TMEM160: variants seen among roughly 807,000 people sequenced by gnomAD.
The protein encoded by TMEM160 is transmembrane protein 160.
TMEM160 carries 10 observed loss-of-function variants against 13.9 expected under a neutral mutation model. The observed-to-expected ratio is 0.72, with a 90% confidence interval of 0.45 to 1.22. The LOEUF is 1.22. Ranked by LOEUF, TMEM160 falls within the 50% of genes most tolerant of loss-of-function variation. TMEM160 has a pLI of 0.00. For synonymous variants in TMEM160, 159 were observed against 134.8 expected (o/e 1.18, Z -1.25); for missense variants, 287 against 283.2 (o/e 1.01, Z -0.10).
chr19:47,046,693 G>A lies in TMEM160; in HGVS notation c.209-8C>T, dbSNP rs780764887. 8.7e-6 allele frequency: 14 copies of A among 1,605,932 alleles called. No homozygotes were observed. Among genetic ancestry groups the A allele is most frequent in the Non-Finnish European group, 1.1e-5 (13 of 1,173,802 alleles). Reference sequence around the variant, plus strand: ...GGAACCAGGAGAGGAAGGCTGGAGGGAGGGGGACATGGGGGGATTAACATC... The same window carrying A: ...GGAACCAGGAGAGGAAGGCTGGAGGAAGGGGGACATGGGGGGATTAACATC... On this transcript the variant is annotated splice_region_variant and splice_polypyrimidine_tract_variant and intron_variant, in intron 1 of 2. Transcript: ENST00000253047.
chr19:47,048,287 A>T lies in TMEM160; in HGVS notation c.208+120T>A, dbSNP rs529753552. On this transcript the variant is annotated intron_variant, in intron 1 of 2. Coordinates refer to ENST00000253047, the MANE Select transcript of TMEM160 (RefSeq NM_017854.2). Reference sequence around the variant, plus strand: ...TCTGCGCTTCCGTGCGCTCACACTGAAGCCCTTCTCGGAGCCGAGCCCGGG... The same window carrying T: ...TCTGCGCTTCCGTGCGCTCACACTGTAGCCCTTCTCGGAGCCGAGCCCGGG... The T allele has an allele frequency of 5.6e-6, 5 of 900,164 alleles. No individual in the cohort carries two copies. In the Admixed American group the frequency reaches 1.4e-4, roughly 25 times the overall value. 55.8% of individuals were successfully genotyped at this position (900,164 alleles called of 1,614,324 possible). A position where few individuals can be genotyped will look rare whatever the true frequency, so the allele number is the denominator to read the frequency against.
rs746569691 is a variant in TMEM160, at chr19:47,046,576, G to A, written c.301+17C>T. On this transcript the variant is annotated intron_variant, in intron 2 of 2. Coordinates refer to ENST00000253047, the MANE Select transcript of TMEM160 (RefSeq NM_017854.2). The stretch of plus-strand genomic sequence containing the variant: ...ATTCCCTGGTTCCGTGGGGCGAGAG[G>A]GGGGGTCTGCACTCACCATATGCTG... 2 of 1,600,540 alleles carry A rather than the reference G, an allele frequency of 1.2e-6. No individual in the cohort carries two copies. Among genetic ancestry groups the A allele is most frequent in the Admixed American group, 1.7e-5 (1 of 59,928 alleles).
chr19:47,046,544 G>T, intron 2 of TMEM160, 49 bp downstream of exon 2: 1 of 1,476,848 alleles, frequency 6.8e-7, no homozygotes, highest in Non-Finnish European at 9.4e-7. Flanking sequence ...GGTGATAGGG[G>T]CTCTGCATTC....
chr19:47,047,680 TC>T (rs1339401073), intron 1 of TMEM160: 2 of 719,928 alleles, frequency 2.8e-6, no homozygotes, highest in Admixed American at 1.3e-4. Flanking sequence ...CAAGACCCCG[TC>T]TCTACATAAA....
chr19:47,046,837 G>A (rs1752983964), intron 1 of TMEM160, 152 bp from the exon 2 acceptor site: 6 of 642,920 alleles, frequency 9.3e-6, no homozygotes, highest in South Asian at 8.8e-5. Flanking sequence ...CCTCTTCCAG[G>A]AAGCCGCTCA....
rs1385958547 is a variant in TMEM160 at position 47,046,717 on chromosome 19, TC to T, written c.209-33del. ...GGAGGGGGACATGGGGGGATTAACATCACCCCCAACCCTACCTCCTCAATCC... is the reference window on the plus strand; with the variant it reads ...GGAGGGGGACATGGGGGGATTAACATACCCCCAACCCTACCTCCTCAATCC... On this transcript the variant is annotated intron_variant, in intron 1 of 2. Transcript: ENST00000253047. 2.0e-6 allele frequency: 3 copies of T among 1,497,148 alleles called. No individual in the cohort carries two copies. In the East Asian group the frequency reaches 6.8e-5, roughly 34 times the overall value. The allele number at this position is 1,497,148 out of a possible 1,614,324, so 92.7% of individuals were successfully genotyped here.
intron 2 of TMEM160, 92 bp from the exon 3 acceptor site, chr19:47,046,344 C>T (rs73566537): frequency 1.6e-5 from 23 of 1,420,776 alleles, no homozygotes; most frequent in South Asian, 1.2e-4. Context: ...GAGGCAGGGC[C>T]GTGCCAGGGG....
Position 47,046,044 on chromosome 19 carries a change from G to T in TMEM160, c.510C>A (p.Asp170Glu), listed in dbSNP as rs771703376. Reference sequence around the variant, plus strand: ...GGCCTTCCGCGGAGGCCGTCCCGTCGTCCTCGGGCACCAGCTCCACGTCCA... The same window carrying T: ...GGCCTTCCGCGGAGGCCGTCCCGTCTTCCTCGGGCACCAGCTCCACGTCCA... ...LELDVELVPEDDGTASAEGPD... is the reference protein window; with the variant it reads ...LELDVELVPEEDGTASAEGPD... The change falls in exon 3 of 3, where the codon GAC (aspartate) becomes GAA (glutamate). Residue 170 changes from aspartate (D) to glutamate (E), a missense_variant. Asp to Glu is a conservative substitution (Grantham distance 45). Coordinates refer to ENST00000253047, the MANE Select transcript of TMEM160 (RefSeq NM_017854.2). 4 of 1,549,218 alleles carry T rather than the reference G, an allele frequency of 2.6e-6. No individual in the cohort carries two copies. In the South Asian group the frequency reaches 4.7e-5, roughly 18 times the overall value.
intron 1 of TMEM160, among the ~76,000 whole-genome samples, chr19:47,048,155 C>T (rs2057090828): frequency 6.6e-6 from 1 of 152,226 alleles, no homozygotes; most frequent in African/African-American, 2.4e-5. Context: ...TACGAGGCTG[C>T]CTCGCGCAAC....
At chr19:47,047,966 CTTT>C (rs2057089795) in intron 1 of TMEM160, 1 of 983,192 alleles carries the variant, frequency 1.0e-6, no homozygotes, top group Non-Finnish European at 1.2e-6. Flanking sequence ...CAGCAGAGAG[CTTT>C]CTCCCGATTG....
Position 47,046,133 on chromosome 19 carries a change from C to A in TMEM160, c.421G>T (p.Ala141Ser). 6.8e-7 allele frequency: 1 copy of A among 1,478,752 alleles called. No individual in the cohort carries two copies. The highest frequency in any genetic ancestry group is 8.9e-7 in the Non-Finnish European group (1 of 1,124,404). The allele number at this position is 1,478,752 out of a possible 1,614,324, so 91.6% of individuals were successfully genotyped here. The change falls in exon 3 of 3, where the codon GCC (alanine) becomes TCC (serine). Residue 141 changes from alanine (A) to serine (S), a missense_variant. Transcript: ENST00000253047. ...TLGGAAVGAG[A>S]VLAASLLWAC... ...CAGAGCAGGCTGGCGGCCAGCACGG[C>A]GCCCGCGCCCACGGCCGCGCCCCCC...
chr19:47,046,104 C>G lies in TMEM160; in HGVS notation c.450G>C (p.Ala150=). The change falls in exon 3 of 3, where the codon GCG becomes GCC. Residue 150 remains alanine, a synonymous_variant. Coordinates refer to ENST00000253047, the MANE Select transcript of TMEM160 (RefSeq NM_017854.2). Reference sequence around the variant, plus strand: ...GCCCCATGTAGAGGCCCACGGCGCACGCCCAGAGCAGGCTGGCGGCCAGCA... The same window carrying G: ...GCCCCATGTAGAGGCCCACGGCGCAGGCCCAGAGCAGGCTGGCGGCCAGCA... The part of the protein sequence containing the change: ...GAVLAASLLW[A]CAVGLYMGQL... 1 of 1,527,326 alleles carries G rather than the reference C, an allele frequency of 6.5e-7. No homozygotes were observed. The highest frequency in any genetic ancestry group is 8.7e-7 in the Non-Finnish European group (1 of 1,143,296). The allele number at this position is 1,527,326 out of a possible 1,614,324, so 94.6% of individuals were successfully genotyped here.
chr19:47,048,549 T>C lies in TMEM160; in HGVS notation c.66A>G (p.Leu22=). The C allele has an allele frequency of 1.3e-6, 2 of 1,507,260 alleles. No individual in the cohort carries two copies. Among genetic ancestry groups the C allele is most frequent in the South Asian group, 2.4e-5 (2 of 81,650 alleles). 93.4% of individuals were successfully genotyped at this position (1,507,260 alleles called of 1,614,324 possible). ...RLARLRFRRS[L]LPPQRPRSGG... ...CGCTCCGGGGCCGCTGAGGCGGCAG[T>C]AGCGACCTCCGGAAGCGAAGACGGG... The change falls in exon 1 of 3, where the codon CTA becomes CTG. Residue 22 remains leucine (L), a synonymous_variant. Transcript: ENST00000253047.
chr19:47,046,481 ATACTTAC>A, intron 2 of TMEM160, 105 bp downstream of exon 2: 1 of 1,008,134 alleles, frequency 9.9e-7, no homozygotes, highest in Non-Finnish European at 1.5e-6. Flanking sequence ...TGGGGGTTCT[ATACTTAC>A]TACTGGGAGT....
In TMEM160 at chr19:47,048,462, T is replaced by C. The variant is rs1237527435; in HGVS notation, c.153A>G (p.Pro51=). The part of the protein sequence containing the change: ...HGPRAGASPP[P]VSELDRADAW... ...CGTCCGCACGATCCAGCTCGGACAC[T>C]GGGGGCGGCGAAGCCCCGGCGCGGG... Residue 51 remains proline (P), a synonymous_variant, in exon 1 of 3, where the codon CCA becomes CCG. Transcript: ENST00000253047. 12 of 1,409,822 alleles carry C rather than the reference T, an allele frequency of 8.5e-6. No individual in the cohort carries two copies. The South Asian group carries it at 1.8e-4, about 22-fold the overall frequency. The allele number at this position is 1,409,822 out of a possible 1,614,324, so 87.3% of individuals were successfully genotyped here. A position where few individuals can be genotyped will look rare whatever the true frequency, so the allele number is the denominator to read the frequency against.
In TMEM160 at chr19:47,048,421, T is replaced by C. The variant is rs1427442352; in HGVS notation, c.194A>G (p.Lys65Arg). 6.8e-7 allele frequency: 1 copy of C among 1,473,208 alleles called. No individual in the cohort carries two copies. The highest frequency in any genetic ancestry group is 2.5e-5 in the Admixed American group (1 of 39,726). 91.3% of individuals were successfully genotyped at this position (1,473,208 alleles called of 1,614,324 possible). ...TAGCCACCGACCTGTCTCGTGCGCT[T>C]TTCGGAGGAGCCAGGCGTCCGCACG... ...LDRADAWLLRKAHETAFLSWF... is the reference protein window; with the variant it reads ...LDRADAWLLRRAHETAFLSWF... Residue 65 changes from lysine (K) to arginine (R), a missense_variant, in exon 1 of 3, where the codon AAA becomes AGA. Physicochemically the swap from Lys to Arg is conservative, Grantham distance 26 (BLOSUM62 2). Transcript: ENST00000253047.
rs1310010578 is a variant in TMEM160, at chr19:47,048,490, C to T, written c.125G>A (p.Gly42Asp). ...GGGCGGCGAAGCCCCGGCGCGGGGACCGTGGCCGGGGGCGAAGGACCCCCG... is the reference window on the plus strand; with the variant it reads ...GGGCGGCGAAGCCCCGGCGCGGGGATCGTGGCCGGGGGCGAAGGACCCCCG... ...GARGSFAPGHGPRAGASPPPV... is the reference protein window; with the variant it reads ...GARGSFAPGHDPRAGASPPPV... The change falls in exon 1 of 3, where the codon GGT (glycine) becomes GAT (aspartate). Residue 42 changes from glycine to aspartate, a missense_variant. Transcript: ENST00000253047. The T allele has an allele frequency of 1.4e-6, 2 of 1,422,414 alleles. No individual in the cohort carries two copies. The highest frequency in any genetic ancestry group is 6.4e-5 in the Admixed American group (2 of 31,008). 88.1% of individuals were successfully genotyped at this position (1,422,414 alleles called of 1,614,324 possible).
chr19:47,046,651 T>A lies in TMEM160; in HGVS notation c.243A>T (p.Ala81=). The A allele has an allele frequency of 6.2e-7, 1 of 1,611,436 alleles. No homozygotes were observed. ...TGAAGGAGATGACCCCGATGCCCGATGCCAGGAGGCCATTGCGGAACCAGG... is the reference window on the plus strand; with the variant it reads ...TGAAGGAGATGACCCCGATGCCCGAAGCCAGGAGGCCATTGCGGAACCAGG... ...FLSWFRNGLL[A]SGIGVISFMQ... The change falls in exon 2 of 3, where the codon GCA becomes GCT. Residue 81 remains alanine, a synonymous_variant. Coordinates refer to ENST00000253047, the MANE Select transcript of TMEM160 (RefSeq NM_017854.2).
At chr19:47,047,584 C>T in intron 1 of TMEM160, 1 of 985,290 alleles carries the variant, frequency 1.0e-6, no homozygotes, top group Non-Finnish European at 1.2e-6. Flanking sequence ...AGTGAGGTGA[C>T]TCACACCTAT....
Sources: allele counts gnomAD v4.1 joint callset (sites outside exome capture counted in the v4.1 genomes callset), GRCh38; gene constraint gnomAD v4.1.1; transcripts MANE v1.5; gene names NCBI Gene and HGNC (gene_info 2026-07-23, HGNC 2026-07-21).